Variants in TWSG1 observed in about 807,000 individuals in gnomAD.
The protein encoded by TWSG1 is twisted gastrulation protein homolog 1.
In TWSG1, 15 loss-of-function variants were observed where a neutral mutation model predicts 23.0. That is an observed-to-expected ratio of 0.65 (90% CI 0.44 to 1.00). The LOEUF (loss-of-function observed/expected upper bound fraction) is 1.00. Among genes scored for constraint, TWSG1 ranks in the 50% least tolerant of loss-of-function variants. The pLI is 0.00. For missense variants in TWSG1, 242 were observed against 278.7 expected, an observed-to-expected ratio of 0.87 and a Z score of 0.94; for synonymous variants, 86 against 92.8, an observed-to-expected ratio of 0.93 and a Z score of 0.42.
At chr18:9,396,621 A>G in intron 4 of TWSG1, 75 bp downstream of exon 4, 1 of 1,516,390 alleles carries the variant, frequency 6.6e-7, no homozygotes, top group Non-Finnish European at 8.8e-7. Context: ...AAACCTATAT[A>G]AGACCATCTT....
chr18:9,370,559 C>T (rs1249789088), intron 3 of TWSG1, among the ~76,000 whole-genome samples: 1 of 152,036 alleles, frequency 6.6e-6, no homozygotes, highest in Non-Finnish European at 1.5e-5. Context: ...GCAACTGTTA[C>T]CCAATAAGTA....
chr18:9,350,127 G>A (rs1034901047), intron 2 of TWSG1, among the ~76,000 whole-genome samples: 7 of 151,564 alleles, frequency 4.6e-5, no homozygotes, highest in Admixed American at 6.6e-5. Context: ...GCAACAGAGC[G>A]AGACTCCATC....
At chr18:9,383,182 C>T (rs559049631) in intron 3 of TWSG1, among the ~76,000 whole-genome samples, 63 of 74,176 alleles carry the variant, frequency 8.5e-4, no homozygotes, top group Non-Finnish European at 1.3e-3. Context: ...CCGAATTACA[C>T]GTTTTTTTTT....
At chr18:9,335,114 C>T (rs1014465692) in intron 1 of TWSG1, among the ~76,000 whole-genome samples, 194 bp downstream of exon 1, 2 of 152,156 alleles carry the variant, frequency 1.3e-5, no homozygotes, top group Non-Finnish European at 2.9e-5. Flanking sequence ...CGCCGGGAGC[C>T]AGCAGCATCT....
At chr18:9,374,259 CAA>C (rs1220261459) in intron 3 of TWSG1, among the ~76,000 whole-genome samples, 2 of 151,588 alleles carry the variant, frequency 1.3e-5, no homozygotes, top group Non-Finnish European at 2.9e-5. Context: ...CTGTTTTTTT[CAA>C]ACAGTTCAAT....
chr18:9,380,903 CATT>C (rs1170428038), intron 3 of TWSG1, among the ~76,000 whole-genome samples: 1 of 152,196 alleles, frequency 6.6e-6, no homozygotes, highest in Non-Finnish European at 1.5e-5. Flanking sequence ...CAGTTTCAGT[CATT>C]ATTTTTCTCA....
At chr18:9,361,289 A>G (rs965654903) in intron 3 of TWSG1, among the ~76,000 whole-genome samples, 4 of 151,982 alleles carry the variant, frequency 2.6e-5, no homozygotes, top group Admixed American at 1.3e-4. Context: ...TATATGTAAC[A>G]TATTTTTCTT....
At chr18:9,343,101 A>G (rs2040453380) in intron 2 of TWSG1, among the ~76,000 whole-genome samples, 1 of 151,560 alleles carries the variant, frequency 6.6e-6, no homozygotes, top group Non-Finnish European at 1.5e-5. Context: ...TGGAATTTAA[A>G]CTGTTGAGTC....
intron 2 of TWSG1, among the ~76,000 whole-genome samples, chr18:9,344,704 A>G (rs2145594000): frequency 6.6e-6 from 1 of 151,288 alleles, no homozygotes; most frequent in South Asian, 2.1e-4. Context: ...AGCTTATTGT[A>G]TATCTTTGGG....
Position 9,385,549 on chromosome 18 carries a change from C to T in TWSG1, c.224-10731C>T, listed in dbSNP as rs528382515. Among the ~76,000 whole-genome samples the T allele has an allele frequency of 4.2e-5, 4 of 95,044 alleles. 1 individual carries two copies. The highest frequency in any genetic ancestry group is 8.5e-5 in the Non-Finnish European group (4 of 47,200). The allele number at this position is 95,044 out of a possible 152,430, so 62.4% of individuals were successfully genotyped here. A position where few individuals can be genotyped will look rare whatever the true frequency, so the allele number is the denominator to read the frequency against. Reference sequence around the variant, plus strand: ...TAAAAAATACAAAAAATTAGCCGGGCGCGGTGGCGGGCGCCTGTAGTCCCA... The same window carrying T: ...TAAAAAATACAAAAAATTAGCCGGGTGCGGTGGCGGGCGCCTGTAGTCCCA... On this transcript the variant is annotated intron_variant, in intron 3 of 4. Transcript: ENST00000262120.
intron 2 of TWSG1, among the ~76,000 whole-genome samples, chr18:9,341,722 C>A (rs772261331): frequency 1.3e-5 from 2 of 151,970 alleles, no homozygotes; most frequent in African/African-American, 2.4e-5. Context: ...CTATTCTGTT[C>A]TATCAACTGG....
intron 2 of TWSG1, among the ~76,000 whole-genome samples, chr18:9,345,910 C>G (rs1013486855): frequency 6.6e-6 from 1 of 152,092 alleles, no homozygotes; most frequent in African/African-American, 2.4e-5. Flanking sequence ...CCACATATCC[C>G]CAGTTTCTTC....
chr18:9,379,414 G>A lies in TWSG1; in HGVS notation c.224-16866G>A, dbSNP rs535489694. Among the ~76,000 whole-genome samples, 69 of 152,098 alleles carry A rather than the reference G, an allele frequency of 4.5e-4. No individual in the cohort carries two copies. The South Asian group carries it at 0.01, about 22-fold the overall frequency. On this transcript the variant is annotated intron_variant, in intron 3 of 4. Coordinates refer to ENST00000262120, the MANE Select transcript of TWSG1 (RefSeq NM_020648.6). The stretch of plus-strand genomic sequence containing the variant: ...TTATCATTACCCTTAGCAAACTATC[G>A]CAGAAACAGAAAACCAAAGACCGTT...
intron 3 of TWSG1, among the ~76,000 whole-genome samples, chr18:9,371,274 G>C (rs1222567022): frequency 1.3e-5 from 2 of 150,940 alleles, no homozygotes; most frequent in Non-Finnish European, 2.9e-5. Flanking sequence ...AAACTGCACT[G>C]ATTTAAAGGA....
intron 3 of TWSG1, among the ~76,000 whole-genome samples, chr18:9,376,303 G>A (rs1294538438): frequency 1.3e-5 from 2 of 152,112 alleles, no homozygotes; most frequent in Non-Finnish European, 2.9e-5. Flanking sequence ...AGTTTATATG[G>A]AAAGGCAAAA....
At chr18:9,354,820 A>G (rs1301136111) in intron 2 of TWSG1, among the ~76,000 whole-genome samples, 4 of 152,170 alleles carry the variant, frequency 2.6e-5, no homozygotes, top group African/African-American at 9.7e-5. Context: ...TTTCTACTCT[A>G]GTAGATATTT....
chr18:9,379,650 C>T (rs2040647495), intron 3 of TWSG1, among the ~76,000 whole-genome samples: 1 of 151,874 alleles, frequency 6.6e-6, no homozygotes. Flanking sequence ...GCACAAGTAC[C>T]CCTGAACTTA....
chr18:9,393,282 G>C (rs1376409959), intron 3 of TWSG1, among the ~76,000 whole-genome samples: 1 of 152,234 alleles, frequency 6.6e-6, no homozygotes, highest in South Asian at 2.1e-4. Context: ...TTCTGTTCCA[G>C]TAACTATTGC....
chr18:9,354,290 G>A (rs1222766413), intron 2 of TWSG1, among the ~76,000 whole-genome samples: 2 of 152,098 alleles, frequency 1.3e-5, no homozygotes, highest in East Asian at 3.8e-4. Context: ...TTAGCACAGT[G>A]CCTATAAGGG....
Sources: allele counts gnomAD v4.1 joint callset (sites outside exome capture counted in the v4.1 genomes callset), GRCh38; gene constraint gnomAD v4.1.1; transcripts MANE v1.5; gene names NCBI Gene and HGNC (gene_info 2026-07-23, HGNC 2026-07-21).